Variants in ZBTB40 observed in about 807,000 individuals in gnomAD.
ZBTB40 encodes zinc finger and BTB domain-containing protein 40.
Under a neutral mutation model 117.5 loss-of-function variants are expected in ZBTB40, and 60 were observed. That is an observed-to-expected ratio of 0.51 (90% CI 0.41 to 0.63). The LOEUF is 0.63. Among genes scored for constraint, ZBTB40 ranks in the 30% least tolerant of loss-of-function variants. The probability of loss-of-function intolerance (pLI) is 0.00; values close to 1 mark genes in which losing one functional copy is unlikely to be tolerated. For synonymous variants in ZBTB40, 525 were observed against 577.1 expected (o/e 0.91, Z 1.29); for missense variants, 1,287 against 1,498.5 (o/e 0.86, Z 2.33).
intron 14 of ZBTB40, among the ~76,000 whole-genome samples, chr1:22,520,583 C>T (rs1003793260): frequency 6.6e-6 from 1 of 152,186 alleles, no homozygotes; most frequent in Admixed American, 6.5e-5. Flanking sequence ...ACCCATTGCT[C>T]CCATGTGTCA....
At chr1:22,504,098 C>T (rs1029151110) in intron 5 of ZBTB40, among the ~76,000 whole-genome samples, 4 of 152,354 alleles carry the variant, frequency 2.6e-5, no homozygotes, top group Admixed American at 2.6e-4. Context: ...ACCAGAGCTT[C>T]TTTAAGTGAT....
intron 14 of ZBTB40, among the ~76,000 whole-genome samples, chr1:22,520,916 A>G (rs897132943): frequency 6.6e-6 from 1 of 152,238 alleles, no homozygotes; most frequent in Non-Finnish European, 1.5e-5. Flanking sequence ...AGCGTTCCAG[A>G]ACGGAGACCT....
At chr1:22,456,858 T>C (rs555609779) in intron 1 of ZBTB40, among the ~76,000 whole-genome samples, 1 of 152,358 alleles carries the variant, frequency 6.6e-6, no homozygotes, top group Admixed American at 6.5e-5. Context: ...GCAGATATCA[T>C]AACTGTTTCT....
At chr1:22,514,075 A>C (rs1302824583) in intron 12 of ZBTB40, among the ~76,000 whole-genome samples, 2 of 152,152 alleles carry the variant, frequency 1.3e-5, no homozygotes, top group East Asian at 3.9e-4. Flanking sequence ...GCCCGTTACA[A>C]TGCAGATTGT....
At position 22,529,562 on chromosome 1, in the gene ZBTB40, CCTA is replaced by C. The variant is rs1639775178; in HGVS notation, c.*3169_*3171del. 1 of 152,388 alleles carries C rather than the reference CCTA, an allele frequency of 6.6e-6. No homozygotes were observed. 9.4% of individuals were successfully genotyped at this position (152,388 alleles called of 1,614,324 possible). A position where few individuals can be genotyped will look rare whatever the true frequency, so the allele number is the denominator to read the frequency against. On this transcript the variant is annotated 3_prime_UTR_variant, in exon 18 of 18. Transcript: ENST00000375647. Reference sequence around the variant, plus strand: ...AGGATTACTGCGGGAAGGTGAGACTCCTACTGTCCACGCGCATGAGCAGAACCT... The same window carrying C: ...AGGATTACTGCGGGAAGGTGAGACTCCTGTCCACGCGCATGAGCAGAACCT...
chr1:22,435,001 C>T (rs141388727), intron 1 of ZBTB40, among the ~76,000 whole-genome samples: 182 of 151,128 alleles, frequency 1.2e-3, no homozygotes, highest in African/African-American at 3.5e-3. Flanking sequence ...TCGAGTTTTT[C>T]GTTTTATCCT....
At chr1:22,440,142 T>C (rs1640714513) in intron 1 of ZBTB40, among the ~76,000 whole-genome samples, 1 of 152,232 alleles carries the variant, frequency 6.6e-6, no homozygotes, top group African/African-American at 2.4e-5. Flanking sequence ...TATATAGAAA[T>C]ACAACTGATT....
In ZBTB40 at chr1:22,437,080, G is replaced by A. The variant is rs77266320; in HGVS notation, c.-70+8066G>A. On this transcript the variant is annotated intron_variant, in intron 1 of 8. Coordinates refer to the ZBTB40 transcript ENST00000650433. ...TCCAAGCTGGCATGTAAGAAACTTGGAAGTTGCCACTCCATCCTAACAATA... is the reference window on the plus strand; with the variant it reads ...TCCAAGCTGGCATGTAAGAAACTTGAAAGTTGCCACTCCATCCTAACAATA... Among the ~76,000 whole-genome samples, 182 of 152,218 alleles carry A rather than the reference G, an allele frequency of 1.2e-3. 3 individuals carry two copies. The East Asian group carries it at 0.032, about 27-fold the overall frequency.
intron 6 of ZBTB40, among the ~76,000 whole-genome samples, chr1:22,507,134 A>G (rs935409216): frequency 2.6e-5 from 4 of 152,162 alleles, no homozygotes; most frequent in Admixed American, 2.0e-4. Flanking sequence ...CATTGGTGTC[A>G]AGACTACCTG....
intron 6 of ZBTB40, among the ~76,000 whole-genome samples, chr1:22,506,840 A>C (rs902351280): frequency 6.6e-6 from 1 of 152,250 alleles, no homozygotes; most frequent in Middle Eastern, 3.2e-3. Context: ...GGACAATTCC[A>C]AATATAAGGA....
chr1:22,438,804 T>C (rs1640700719), intron 1 of ZBTB40, among the ~76,000 whole-genome samples: 1 of 152,224 alleles, frequency 6.6e-6, no homozygotes, highest in African/African-American at 2.4e-5. Flanking sequence ...ATGTGCTTAT[T>C]GGCCATTTGT....
At chr1:22,443,650 C>G (rs1435098519) in intron 1 of ZBTB40, among the ~76,000 whole-genome samples, 4 of 152,158 alleles carry the variant, frequency 2.6e-5, no homozygotes, top group African/African-American at 7.2e-5. Flanking sequence ...CTCCTGGATC[C>G]GGAAAAGACC....
Position 22,526,530 on chromosome 1 carries a change from C to A in ZBTB40, c.*134C>A. On this transcript the variant is annotated 3_prime_UTR_variant, in exon 18 of 18. Coordinates refer to ENST00000375647, the MANE Select transcript of ZBTB40 (RefSeq NM_014870.4). ...TTAGCACCAACCAACACAGTCTCAC[C>A]TAGAAAACAGATGGAAGCTTCGTTG... 8.6e-7 allele frequency: 1 copy of A among 1,156,072 alleles called. No homozygotes were observed. Among genetic ancestry groups the A allele is most frequent in the Non-Finnish European group, 1.3e-6 (1 of 794,246 alleles). 71.6% of individuals were successfully genotyped at this position (1,156,072 alleles called of 1,614,324 possible).
rs919831346 is a variant in ZBTB40, at chr1:22,511,086, G to T, written c.1834-93G>T. The stretch of plus-strand genomic sequence containing the variant: ...TTATAAATGGAGCAGTGCCTTCCTG[G>T]GATTAGCTTTTTTTTTTTTTTTTTA... On this transcript the variant is annotated intron_variant, in intron 9 of 17. Transcript: ENST00000375647. 31 of 1,427,104 alleles carry T rather than the reference G, an allele frequency of 2.2e-5. No individual in the cohort carries two copies. In the African/African-American group the frequency reaches 3.6e-4, roughly 16 times the overall value. 88.4% of individuals were successfully genotyped at this position (1,427,104 alleles called of 1,614,324 possible). A position where few individuals can be genotyped will look rare whatever the true frequency, so the allele number is the denominator to read the frequency against.
At chr1:22,497,269 A>G (rs944041002) in intron 3 of ZBTB40, among the ~76,000 whole-genome samples, 1 of 152,034 alleles carries the variant, frequency 6.6e-6, no homozygotes, top group African/African-American at 2.4e-5. Context: ...ACCTAGTAGC[A>G]TTTTTTTCTC....
upstream of ZBTB40, among the ~76,000 whole-genome samples, chr1:22,450,460 C>T (rs181631382): frequency 2.4e-4 from 36 of 152,234 alleles, no homozygotes; most frequent in Non-Finnish European, 3.4e-4. Flanking sequence ...CTGAATGTAA[C>T]GGTGACATGA....
chr1:22,505,884 CAG>C (rs1639063520), intron 5 of ZBTB40, among the ~76,000 whole-genome samples, 163 bp from the exon 6 acceptor site: 2 of 152,154 alleles, frequency 1.3e-5, no homozygotes, highest in Admixed American at 6.5e-5. Flanking sequence ...TTTATTGAAA[CAG>C]AATAAGGAAG....
chr1:22,512,231 G>A, intron 11 of ZBTB40, 97 bp downstream of exon 11: 2 of 1,370,996 alleles, frequency 1.5e-6, no homozygotes, highest in South Asian at 2.4e-5. Flanking sequence ...TGAGGGCTGT[G>A]GGTGGGCTTA....
At chr1:22,486,738 TTTTGTTTTG>T (rs869161361) in intron 1 of ZBTB40, among the ~76,000 whole-genome samples, 1 of 151,754 alleles carries the variant, frequency 6.6e-6, no homozygotes, top group Admixed American at 6.6e-5. Context: ...TTTTGTTTTG[TTTTGTTTTG>T]TTTTTTGAGA....
Sources: gnomAD v4.1 joint callset for allele counts (sites outside exome capture counted in the v4.1 genomes callset) on GRCh38, gnomAD v4.1.1 for gene constraint, MANE v1.5 for transcripts, NCBI Gene and HGNC (gene_info 2026-07-23, HGNC 2026-07-21) for gene names.